The following DOCK10 variants were observed in gnomAD, a reference collection of about 807,000 sequenced individuals.
DOCK10 encodes dedicator of cytokinesis 10, also known as dedicator of cytokinesis protein 10.
A neutral mutation model predicts 280.1 loss-of-function variants in DOCK10; 145 were observed. That is an observed-to-expected ratio of 0.52 (90% CI 0.45 to 0.59). DOCK10 has a LOEUF of 0.59. Ranked by LOEUF, DOCK10 falls within the 20% of genes least tolerant of loss-of-function variation. The pLI is 0.00. For synonymous variants in DOCK10, 915 were observed against 942.2 expected, an observed-to-expected ratio of 0.97 and a Z score of 0.53; for missense variants, 2,368 against 2,651.7, an observed-to-expected ratio of 0.89 and a Z score of 2.35.
intron 1 of DOCK10, among the ~76,000 whole-genome samples, chr2:224,976,108 A>G (rs1705423072): frequency 6.6e-6 from 1 of 152,194 alleles, no homozygotes; most frequent in African/African-American, 2.4e-5. Flanking sequence ...ATTAGTTTAC[A>G]ATGTGATTCT....
At chr2:224,886,324 C>T (rs1699279628) in intron 5 of DOCK10, 135 bp downstream of exon 5, 5 of 1,476,160 alleles carry the variant, frequency 3.4e-6, no homozygotes, top group Non-Finnish European at 4.6e-6. Context: ...AAACGTGACT[C>T]ATTTTGACTA....
chr2:224,837,791 G>A lies in DOCK10; in HGVS notation c.2821C>T (p.Leu941=), dbSNP rs1003733706. The A allele has an allele frequency of 1.2e-6, 2 of 1,613,932 alleles. No homozygotes were observed. Residue 941 remains leucine, a synonymous_variant, in exon 25 of 56, where the codon CTG becomes TTG. Coordinates refer to ENST00000258390, the MANE Select transcript of DOCK10 (RefSeq NM_014689.3). The part of the protein sequence containing the change: ...DIVAKCHEEQ[L]DHSVQSYIKF... The stretch of plus-strand genomic sequence containing the variant: ...ATATATGACTGGACAGAATGATCCA[G>A]CTGCTCCTCATGGCACTTGGCCACA...
intron 1 of DOCK10, among the ~76,000 whole-genome samples, chr2:224,961,468 T>TTCTTTCTTTTTC (rs10672849): frequency 4.5e-5 from 3 of 66,620 alleles, no homozygotes; most frequent in Admixed American, 1.5e-4. Flanking sequence ...CTTTCTTTCT[T>TTCTTTCTTTTTC]TTTCTTTCTT....
chr2:224,974,808 A>G (rs1261146483), intron 1 of DOCK10, among the ~76,000 whole-genome samples: 1 of 132,804 alleles, frequency 7.5e-6, no homozygotes, highest in Non-Finnish European at 1.6e-5. Flanking sequence ...TATCATATAT[A>G]TTATATATAT....
intron 3 of DOCK10, among the ~76,000 whole-genome samples, chr2:224,904,408 G>T (rs1196491902): frequency 6.6e-6 from 1 of 152,108 alleles, no homozygotes; most frequent in African/African-American, 2.4e-5. Context: ...TATTAAGAAA[G>T]AATGTAACCT....
intron 30 of DOCK10, 28 bp from the exon 31 acceptor site, chr2:224,814,392 G>T (rs1225600610): frequency 2.2e-6 from 3 of 1,344,924 alleles, no homozygotes; most frequent in Non-Finnish European, 3.1e-6. Context: ...AAAAAGTTCA[G>T]ATATATACAT....
At chr2:224,921,112 A>ATATATATATATATAT (rs1553613961) in intron 2 of DOCK10, among the ~76,000 whole-genome samples, 4 of 54,412 alleles carry the variant, frequency 7.4e-5, no homozygotes, top group African/African-American at 4.7e-4. Flanking sequence ...AAAAAAAAAA[A>ATATATATATATATAT]ATATATATAT....
chr2:224,811,106 G>C (rs1312040336), intron 31 of DOCK10, among the ~76,000 whole-genome samples: 1 of 152,122 alleles, frequency 6.6e-6, no homozygotes. Context: ...CACCAACAGT[G>C]TAAAAGTGTT....
At chr2:224,783,723 C>G (rs1294048392) in intron 50 of DOCK10, among the ~76,000 whole-genome samples, 2 of 151,282 alleles carry the variant, frequency 1.3e-5, no homozygotes, top group African/African-American at 2.4e-5. Context: ...CACTGCCCCC[C>G]CTCAGTCTAT....
intron 11 of DOCK10, 70 bp from the exon 12 acceptor site, chr2:224,865,157 A>C: frequency 7.0e-7 from 1 of 1,424,674 alleles, no homozygotes; most frequent in Non-Finnish European, 9.7e-7. Context: ...TCGTTAGTAC[A>C]TCATTTAACA....
At chr2:224,874,935 C>T (rs1022696739) in intron 8 of DOCK10, among the ~76,000 whole-genome samples, 184 bp from the exon 9 acceptor site, 2 of 152,154 alleles carry the variant, frequency 1.3e-5, no homozygotes, top group Non-Finnish European at 2.9e-5. Flanking sequence ...GGAAATCAGA[C>T]CCTCTGATGA....
chr2:224,923,488 C>T (rs935422456), intron 2 of DOCK10, among the ~76,000 whole-genome samples: 2 of 152,192 alleles, frequency 1.3e-5, no homozygotes, highest in African/African-American at 2.4e-5. Context: ...TATAAAGACA[C>T]CTACTGCACC....
intron 1 of DOCK10, among the ~76,000 whole-genome samples, chr2:224,961,472 C>CTTTCTTTCTT (rs1559874249): frequency 1.1e-3 from 116 of 102,946 alleles, no homozygotes; most frequent in African/African-American, 3.7e-3. Context: ...CTTTCTTTTT[C>CTTTCTTTCTT]TTTCTTTCTT....
chr2:224,805,029 A>T lies in DOCK10; in HGVS notation c.4118+29T>A. The T allele has an allele frequency of 6.4e-7, 1 of 1,567,710 alleles. No homozygotes were observed. The highest frequency in any genetic ancestry group is 1.2e-5 in the South Asian group (1 of 83,240). On this transcript the variant is annotated intron_variant, in intron 37 of 55. Transcript: ENST00000258390. This position sits in a 1 kb window ranked among gnomAD's most constrained non-coding sequence, Gnocchi z 4.3. ...GACTATTTAGAAATTTCCAGAAAAA[A>T]GTGTTAAGTCATCAACTCTAAAACT...
At chr2:224,989,762 T>A (rs1706078404) in intron 1 of DOCK10, among the ~76,000 whole-genome samples, 1 of 152,184 alleles carries the variant, frequency 6.6e-6, no homozygotes, top group Admixed American at 6.5e-5. Context: ...GAAGTCATTC[T>A]TCCTAGGACC....
chr2:224,935,137 G>A (rs1428007636), intron 1 of DOCK10, among the ~76,000 whole-genome samples: 1 of 152,150 alleles, frequency 6.6e-6, no homozygotes, highest in Non-Finnish European at 1.5e-5. Context: ...ATGCCAAGAC[G>A]ATTATCTAAG....
chr2:224,889,926 T>C (rs1699558424), intron 4 of DOCK10, among the ~76,000 whole-genome samples: 2 of 152,224 alleles, frequency 1.3e-5, no homozygotes, highest in Non-Finnish European at 2.9e-5. Context: ...TTCAGAGCAA[T>C]TGCTCCAGGT....
At chr2:224,771,708 G>A (rs1488602954) in intron 53 of DOCK10, among the ~76,000 whole-genome samples, 1 of 152,206 alleles carries the variant, frequency 6.6e-6, no homozygotes, top group Non-Finnish European at 1.5e-5. Flanking sequence ...GCAGTCACTG[G>A]TACTGGGTGT....
At chr2:224,809,780 T>C (rs142676608) in intron 31 of DOCK10, among the ~76,000 whole-genome samples, 432 of 152,100 alleles carry the variant, frequency 2.8e-3, no homozygotes, top group African/African-American at 0.01. Context: ...GGAAACAGTA[T>C]AGAAGGTCCT....
Sources: allele counts gnomAD v4.1 joint callset (sites outside exome capture counted in the v4.1 genomes callset), GRCh38; gene constraint gnomAD v4.1.1; non-coding constraint Gnocchi (gnomAD v3.1); transcripts MANE v1.5; gene names NCBI Gene and HGNC (gene_info 2026-07-23, HGNC 2026-07-21).